The following RPUSD3 variants were observed in gnomAD, a reference collection of about 807,000 sequenced individuals.
RPUSD3 encodes mitochondrial mRNA pseudouridine synthase RPUSD3.
RPUSD3 carries 36 observed loss-of-function variants against 35.1 expected under a neutral mutation model. The observed-to-expected ratio is 1.02, with a 90% confidence interval of 0.79 to 1.35. The LOEUF is 1.35. RPUSD3 is among the 40% of genes most tolerant of loss of function. The pLI, the probability that RPUSD3 is intolerant of heterozygous loss-of-function variation, is 0.00. For synonymous variants in RPUSD3, 202 were observed against 187.8 expected, an observed-to-expected ratio of 1.08 and a Z score of -0.62; for missense variants, 486 against 441.9, an observed-to-expected ratio of 1.10 and a Z score of -0.89.
At chr3:9,838,103 C>T in exon 9 of RPUSD3, 2 of 1,612,554 alleles carry the variant, frequency 1.2e-6, no homozygotes, top group East Asian at 2.2e-5. Flanking sequence ...TGTCCCTGGC[C>T]CTGGTGCCTG....
At chr3:9,839,343 G>T in intron 7 of RPUSD3, 172 bp from the exon 8 acceptor site, 1 of 632,568 alleles carries the variant, frequency 1.6e-6, no homozygotes, top group Non-Finnish European at 2.6e-6. Context: ...TAACACGTCA[G>T]GACGATCACA....
At chr3:9,843,340 T>TCCCAG (rs1272318967) in intron 2 of RPUSD3, 125 bp downstream of exon 2, 3 of 1,433,128 alleles carry the variant, frequency 2.1e-6, no homozygotes, top group Non-Finnish European at 2.9e-6. Flanking sequence ...AGGTGGCTTG[T>TCCCAG]CCCAGCTCAT....
At chr3:9,842,378 C>G (rs2082117153) in intron 2 of RPUSD3, 135 bp from the exon 3 acceptor site, 17 of 850,320 alleles carry the variant, frequency 2.0e-5, no homozygotes, top group Non-Finnish European at 3.2e-5. Flanking sequence ...GTTAACTACC[C>G]CACACCAAAT....
exon 8 of RPUSD3, chr3:9,839,124 C>T (rs140162072): frequency 1.3e-4 from 215 of 1,614,030 alleles, no homozygotes; most frequent in Non-Finnish European, 1.7e-4. Flanking sequence ...TCCCCAAGCA[C>T]AGGGCAGAGC....
At chr3:9,842,680 TC>T (rs1214390475) in intron 2 of RPUSD3, 2 of 245,560 alleles carry the variant, frequency 8.1e-6, no homozygotes, top group Admixed American at 4.9e-5. Flanking sequence ...ACCATATCTA[TC>T]TTTTTCAGCA....
chr3:9,841,599 A>G (rs2082104773), intron 4 of RPUSD3: 1 of 164,734 alleles, frequency 6.1e-6, no homozygotes, highest in Non-Finnish European at 1.3e-5. Context: ...GGCCTCCCAA[A>G]GTCCTATTGA....
chr3:9,838,444 T>C (rs2082056630), intron 8 of RPUSD3, among the ~76,000 whole-genome samples: 1 of 152,176 alleles, frequency 6.6e-6, no homozygotes, highest in Non-Finnish European at 1.5e-5. Flanking sequence ...CTCAACTCCA[T>C]TTCCCAGCCC....
chr3:9,839,312 C>G (rs964463084), intron 7 of RPUSD3, 141 bp from the exon 8 acceptor site: 1 of 882,400 alleles, frequency 1.1e-6, no homozygotes, highest in African/African-American at 1.7e-5. Flanking sequence ...ACTATGGCCC[C>G]TGCATCCAGA....
At chr3:9,839,300 G>A in intron 7 of RPUSD3, 129 bp from the exon 8 acceptor site, 2 of 1,008,132 alleles carry the variant, frequency 2.0e-6, no homozygotes, top group Non-Finnish European at 1.4e-6. Flanking sequence ...AGTGAGGTCA[G>A]TACTATGGCC....
chr3:9,843,232 G>A, intron 2 of RPUSD3: 1 of 587,498 alleles, frequency 1.7e-6, no homozygotes. Context: ...CTGAGCGCCG[G>A]CTATGTGCAA....
exon 1 of RPUSD3, chr3:9,843,898 G>A: frequency 6.2e-7 from 1 of 1,604,436 alleles, no homozygotes; most frequent in Non-Finnish European, 8.5e-7. Context: ...ACCGGGCTTC[G>A]GTGCCAAAGC....
rs111528670 is a variant in RPUSD3, at chr3:9,842,149, T to A, written c.307+50A>T. Reference sequence around the variant, plus strand: ...ATGCCTTCACTTTTCCCTCCCTCAGTCACGAAACCCCCTTCCGCTGCATTC... The same window carrying A: ...ATGCCTTCACTTTTCCCTCCCTCAGACACGAAACCCCCTTCCGCTGCATTC... On this transcript the variant is annotated intron_variant, in intron 3 of 8. Transcript: ENST00000383820. 9.0e-4 allele frequency: 1,444 copies of A among 1,613,044 alleles called. 14 individuals are homozygous for A. In the African/African-American group the frequency reaches 0.017, roughly 19 times the overall value.
chr3:9,839,768 G>C (rs1330964036), intron 7 of RPUSD3: 3 of 164,422 alleles, frequency 1.8e-5, no homozygotes, highest in African/African-American at 7.2e-5. Context: ...AGTAGAGACA[G>C]GGTTTCACCA....
At chr3:9,838,013 G>A (rs758374874) in exon 9 of RPUSD3, 17 of 1,558,142 alleles carry the variant, frequency 1.1e-5, no homozygotes, top group Non-Finnish European at 1.5e-5. Flanking sequence ...AACAGAGGGA[G>A]GACTATTGTA....
chr3:9,838,672 T>A (rs2082059498), intron 8 of RPUSD3, among the ~76,000 whole-genome samples: 1 of 152,218 alleles, frequency 6.6e-6, no homozygotes, highest in African/African-American at 2.4e-5. Context: ...GGCACAGTTC[T>A]TGTGTGAAGA....
At chr3:9,838,903 T>C (rs2082062104) in intron 8 of RPUSD3, 129 bp downstream of exon 8, 2 of 1,272,340 alleles carry the variant, frequency 1.6e-6, no homozygotes, top group Non-Finnish European at 2.2e-6. Context: ...TGGGTACGGA[T>C]ACAGCCTTGG....
intron 4 of RPUSD3, 26 bp downstream of exon 4, chr3:9,841,957 A>G: frequency 6.3e-7 from 1 of 1,594,576 alleles, no homozygotes; most frequent in South Asian, 1.1e-5. Context: ...CTGTACTCCT[A>G]GCTTCCTGTC....
chr3:9,843,478 C>T lies in RPUSD3; in HGVS notation c.249G>A (p.Val83=), dbSNP rs779316306. The T allele has an allele frequency of 4.3e-6, 7 of 1,613,900 alleles. No homozygotes were observed. In the East Asian group the frequency reaches 1.6e-4, roughly 36 times the overall value. Residue 83 remains valine, a synonymous_variant, in exon 2 of 9, where the codon GTG becomes GTA. Coordinates refer to ENST00000383820, the Ensembl canonical transcript of RPUSD3. Reference sequence around the variant, plus strand: ...CTCACCCCTCACCTTTCCGGTCCACCACGGCTGCCCGCAGCGCATCAACCA... The same window carrying T: ...CTCACCCCTCACCTTTCCGGTCCACTACGGCTGCCCGCAGCGCATCAACCA...
chr3:9,842,618 G>A (rs1447264957), intron 2 of RPUSD3: 5 of 284,406 alleles, frequency 1.8e-5, no homozygotes, highest in Non-Finnish European at 3.4e-5. Flanking sequence ...TTTATTTTCT[G>A]ACATCCATTT....
Sources: gnomAD v4.1 joint callset for allele counts (sites outside exome capture counted in the v4.1 genomes callset) on GRCh38, gnomAD v4.1.1 for gene constraint, MANE v1.5 for transcripts, NCBI Gene and HGNC (gene_info 2026-07-23, HGNC 2026-07-21) for gene names.